Variants in TRIM66 observed in about 807,000 individuals in gnomAD.
TRIM66 encodes the protein tripartite motif-containing protein 66.
A neutral mutation model predicts 148.2 loss-of-function variants in TRIM66; 99 were observed. The observed-to-expected ratio is 0.67, with a 90% CI of 0.57 to 0.79. The LOEUF is 0.79. Ranked by LOEUF, TRIM66 falls within the 30% of genes least tolerant of loss-of-function variation. The pLI is 0.00. For missense variants in TRIM66, 1,666 were observed against 1,697.9 expected, an observed-to-expected ratio of 0.98 and a Z score of 0.33; for synonymous variants, 616 against 635.9, an observed-to-expected ratio of 0.97 and a Z score of 0.47.
chr11:8,625,747 G>T (rs143130014), intron 15 of TRIM66, among the ~76,000 whole-genome samples: 3 of 152,288 alleles, frequency 2.0e-5, no homozygotes, highest in African/African-American at 7.2e-5. Flanking sequence ...GGTTGAGAAG[G>T]CTCAAACTCT....
chr11:8,638,890 T>C, intron 14 of TRIM66, 75 bp from the exon 15 acceptor site: 1 of 1,459,690 alleles, frequency 6.9e-7, no homozygotes, highest in Non-Finnish European at 9.2e-7. Context: ...CAGCAAAGGC[T>C]AGTGCTCACC....
intron 16 of TRIM66, 36 bp downstream of exon 16, chr11:8,624,677 C>G (rs559118570): frequency 1.4e-6 from 2 of 1,479,672 alleles, no homozygotes; most frequent in African/African-American, 2.8e-5. Flanking sequence ...CAATGATGAA[C>G]AAAGGAAGTT....
intron 15 of TRIM66, among the ~76,000 whole-genome samples, chr11:8,634,070 C>G (rs545653754): frequency 6.6e-6 from 1 of 152,310 alleles, no homozygotes; most frequent in East Asian, 1.9e-4. Flanking sequence ...TCTTGAAGAT[C>G]TGGGGCTATG....
intron 6 of TRIM66, among the ~76,000 whole-genome samples, chr11:8,660,515 C>T (rs2038173897): frequency 6.6e-6 from 1 of 152,236 alleles, no homozygotes; most frequent in African/African-American, 2.4e-5. Flanking sequence ...AATGCCCATT[C>T]ATTTCCATAT....
intron 13 of TRIM66, among the ~76,000 whole-genome samples, chr11:8,641,425 C>G (rs980401244): frequency 2.6e-5 from 4 of 152,178 alleles, no homozygotes; most frequent in Non-Finnish European, 4.4e-5. Flanking sequence ...ACTAGGGAAA[C>G]CACAAGCTCT....
chr11:8,641,088 C>T lies in TRIM66; in HGVS notation c.1287G>A (p.Gln429=), dbSNP rs1322798755. 6.4e-7 allele frequency: 1 copy of T among 1,551,698 alleles called. No homozygotes were observed. Among genetic ancestry groups the T allele is most frequent in the Admixed American group, 2.0e-5 (1 of 51,004 alleles). The change falls in exon 14 of 25, where the codon CAG becomes CAA. Residue 429 remains glutamine (Q), a synonymous_variant. Coordinates refer to ENST00000646038, the MANE Select transcript of TRIM66 (RefSeq NM_001388022.1). ...GGCTTTGATAAAAGGGTGATGACCC[C>T]TGTAAGCCTCCATAAGCAGGAGCAT... is the stretch of plus-strand genomic sequence containing the variant. ...RADAPAYGGL[Q]GSSPFYQSHQ...
chr11:8,643,495 A>G (rs1309183257), intron 12 of TRIM66, among the ~76,000 whole-genome samples: 1 of 151,796 alleles, frequency 6.6e-6, no homozygotes, highest in East Asian at 1.9e-4. Context: ...GCCCGCCACC[A>G]CGCCCAGCTA....
chr11:8,634,771 C>T (rs2035732509), intron 15 of TRIM66, among the ~76,000 whole-genome samples: 1 of 152,212 alleles, frequency 6.6e-6, no homozygotes, highest in Non-Finnish European at 1.5e-5. Flanking sequence ...CATCGGCTCA[C>T]ATAGCACCAA....
rs542642251 is a variant in TRIM66, at chr11:8,658,003, C to T, written c.341-6100G>A. ...CAGAGGATGGCGCTTACCAAGCGCC[C>T]AGGAACACCCACCCTGCATGCTGCA... On this transcript the variant is annotated intron_variant, in intron 6 of 24. Coordinates refer to ENST00000646038, the MANE Select transcript of TRIM66 (RefSeq NM_001388022.1). Among the ~76,000 whole-genome samples, 16 of 152,352 alleles carry T rather than the reference C, an allele frequency of 1.1e-4. No homozygotes were observed. In the East Asian group the frequency reaches 3.1e-3, roughly 29 times the overall value.
rs750308070 is a variant in TRIM66 at position 8,618,937 on chromosome 11, C to A, written c.3932G>T (p.Cys1311Phe). 1 of 1,551,342 alleles carries A rather than the reference C, an allele frequency of 6.4e-7. No homozygotes were observed. Among genetic ancestry groups the A allele is most frequent in the Non-Finnish European group, 8.7e-7 (1 of 1,146,956 alleles). ...CCAGCCCTCAAAGAACACTTCCAGG[C>A]AGCGGCCAGCCTCTGCAACCTCGGA... Reference protein sequence around the residue: ...PDSEVAEAGRCLEVFFEGWLK... With the variant: ...PDSEVAEAGRFLEVFFEGWLK... Residue 1311 changes from cysteine to phenylalanine, a missense_variant, in exon 24 of 25, where the codon TGC becomes TTC. By Grantham distance (205) the Cys-to-Phe change is radical. Coordinates refer to ENST00000646038, the MANE Select transcript of TRIM66 (RefSeq NM_001388022.1).
At chr11:8,682,913 G>GAGTGGAT, upstream of TRIM66, 1 of 1,457,332 alleles carries the variant, frequency 6.9e-7, no homozygotes, top group Non-Finnish European at 9.3e-7. Context: ...CCATGGTCGG[G>GAGTGGAT]GCTTCCAGGC....
chr11:8,672,075 T>A lies in TRIM66; in HGVS notation c.51A>T (p.Thr17=). ...TGATATCCTCAGGTGAGAAGCAGCG[T>A]GTAGAGCGAGCCAGCTCCACTCCCT... is the stretch of plus-strand genomic sequence containing the variant. ...WSQGVELARS[T]RCFSPEDISG... Residue 17 remains threonine (T), a synonymous_variant, in exon 6 of 25, where the codon ACA becomes ACT. Coordinates refer to ENST00000646038, the MANE Select transcript of TRIM66 (RefSeq NM_001388022.1). The A allele has an allele frequency of 2.6e-6, 4 of 1,534,704 alleles. No individual in the cohort carries two copies. In the South Asian group the frequency reaches 4.8e-5, roughly 18 times the overall value.
At chr11:8,675,255 A>C (rs1302280525) in intron 3 of TRIM66, among the ~76,000 whole-genome samples, 1 of 152,260 alleles carries the variant, frequency 6.6e-6, no homozygotes, top group African/African-American at 2.4e-5. Context: ...TCATGGAGGC[A>C]GCAAAAACTA....
intron 6 of TRIM66, among the ~76,000 whole-genome samples, chr11:8,670,830 G>A (rs1383806052): frequency 6.6e-6 from 1 of 152,198 alleles, no homozygotes; most frequent in Non-Finnish European, 1.5e-5. Context: ...CAGACTCTGA[G>A]AGGCAAGGTA....
rs987192635 is a variant in TRIM66 at position 8,615,343 on chromosome 11, C to T, written c.*2601G>A. 1.3e-5 allele frequency: 2 copies of T among 152,188 alleles called. No homozygotes were observed. Among genetic ancestry groups the T allele is most frequent in the Non-Finnish European group, 2.9e-5 (2 of 68,028 alleles). 9.4% of individuals were successfully genotyped at this position (152,188 alleles called of 1,614,324 possible). On this transcript the variant is annotated 3_prime_UTR_variant, in exon 25 of 25. Transcript: ENST00000646038. Reference sequence around the variant, plus strand: ...CAGCATACCCAAGAAGTCAATTTTTCCTCTAGGGCTGCATGCTGTCCCATA... The same window carrying T: ...CAGCATACCCAAGAAGTCAATTTTTTCTCTAGGGCTGCATGCTGTCCCATA...
At chr11:8,628,618 A>AG (rs2035084825) in intron 15 of TRIM66, among the ~76,000 whole-genome samples, 1 of 99,362 alleles carries the variant, frequency 1.0e-5, no homozygotes, top group Middle Eastern at 4.7e-3. Flanking sequence ...GTCTCAAAAA[A>AG]AAAAAAAAAA....
chr11:8,673,900 G>A (rs1274295386), intron 4 of TRIM66, among the ~76,000 whole-genome samples: 1 of 152,176 alleles, frequency 6.6e-6, no homozygotes, highest in Non-Finnish European at 1.5e-5. Context: ...AAGTCTTTAG[G>A]AGCCAAGCCT....
intron 6 of TRIM66, among the ~76,000 whole-genome samples, chr11:8,665,236 T>C (rs2038515363): frequency 6.6e-6 from 1 of 152,200 alleles, no homozygotes; most frequent in African/African-American, 2.4e-5. Flanking sequence ...CAAACATGGC[T>C]TCTCAAACTA....
At chr11:8,653,136 AGTTT>A (rs2037508707) in intron 6 of TRIM66, among the ~76,000 whole-genome samples, 2 of 152,256 alleles carry the variant, frequency 1.3e-5, no homozygotes, top group African/African-American at 2.4e-5. Context: ...GACGAAAGTT[AGTTT>A]GAGTGGTAGA....
Sources: allele counts gnomAD v4.1 joint callset (sites outside exome capture counted in the v4.1 genomes callset), GRCh38; gene constraint gnomAD v4.1.1; transcripts MANE v1.5; gene names NCBI Gene and HGNC (gene_info 2026-07-23, HGNC 2026-07-21).